FKBP15: variants seen among roughly 807,000 people sequenced by gnomAD.
FKBP15 encodes FK506-binding protein 15.
Under a neutral mutation model 158.1 loss-of-function variants are expected in FKBP15, and 106 were observed. That is an observed-to-expected ratio of 0.67 (90% CI 0.57 to 0.79). The LOEUF is 0.79. FKBP15 is among the 30% of genes least tolerant of loss of function. The pLI, the probability that FKBP15 is intolerant of heterozygous loss-of-function variation, is 0.00. For synonymous variants in FKBP15, 547 were observed against 548.6 expected, an observed-to-expected ratio of 1.00 and a Z score of 0.04; for missense variants, 1,287 against 1,479.1, an observed-to-expected ratio of 0.87 and a Z score of 2.13.
At chr9:113,201,762 G>A (rs1830796909) in intron 6 of FKBP15, among the ~76,000 whole-genome samples, 1 of 152,114 alleles carries the variant, frequency 6.6e-6, no homozygotes, top group South Asian at 2.1e-4. Context: ...AATTTGTTAC[G>A]GTAGCTTGAA....
intron 18 of FKBP15, 82 bp from the exon 19 acceptor site, chr9:113,182,950 C>T: frequency 9.2e-7 from 1 of 1,092,068 alleles, no homozygotes; most frequent in South Asian, 1.3e-5. Context: ...ATTCTGTCCT[C>T]ACAACATTGC....
chr9:113,188,367 G>C (rs759336472), intron 13 of FKBP15, 22 bp downstream of exon 13: 1 of 1,569,490 alleles, frequency 6.4e-7, no homozygotes, highest in Non-Finnish European at 8.8e-7. Context: ...CAAGGCCACA[G>C]AGCCTCAGAG....
chr9:113,189,214 C>T (rs1377059698), intron 12 of FKBP15, among the ~76,000 whole-genome samples: 3 of 152,160 alleles, frequency 2.0e-5, no homozygotes, highest in East Asian at 1.9e-4. Flanking sequence ...CCCTTATATT[C>T]TCTTCTAGAA....
At chr9:113,173,857 G>A (rs993518499) in intron 22 of FKBP15, among the ~76,000 whole-genome samples, 9 of 152,116 alleles carry the variant, frequency 5.9e-5, no homozygotes, top group African/African-American at 2.2e-4. Context: ...GGAGGGCAGG[G>A]CCATGTGATC....
At position 113,185,542 on chromosome 9, in the gene FKBP15, C is replaced by G. The variant is rs139699659; in HGVS notation, c.1498+707G>C. Among the ~76,000 whole-genome samples, 77 of 152,258 alleles carry G rather than the reference C, an allele frequency of 5.1e-4. No individual in the cohort carries two copies. The East Asian group carries it at 0.014, about 28-fold the overall frequency. ...CTTCTTCCTACCACTGTCCTAATAC[C>G]AAAGCTGATTACTAAACAGAAGACT... On this transcript the variant is annotated intron_variant, in intron 15 of 27. Transcript: ENST00000238256.
At chr9:113,214,614 G>A (rs1249620008) in intron 1 of FKBP15, among the ~76,000 whole-genome samples, 2 of 152,198 alleles carry the variant, frequency 1.3e-5, no homozygotes, top group African/African-American at 4.8e-5. Context: ...AATGGTACAT[G>A]AGCAACGGCT....
intron 7 of FKBP15, 149 bp downstream of exon 7, chr9:113,199,665 G>T: frequency 1.3e-6 from 1 of 755,802 alleles, no homozygotes; most frequent in Non-Finnish European, 2.1e-6. Flanking sequence ...TTCATAATAT[G>T]CCCCCAAAGC....
At chr9:113,204,028 A>T (rs748409428) in intron 4 of FKBP15, among the ~76,000 whole-genome samples, 5 of 152,086 alleles carry the variant, frequency 3.3e-5, no homozygotes, top group Non-Finnish European at 5.9e-5. Flanking sequence ...TGAACATTTG[A>T]GTTGTTTCCA....
rs149039876 is a variant in FKBP15, at chr9:113,180,321, G to C, written c.1915-1520C>G. ...AATAATCATTATTTTTGAGTGGAAG[G>C]ATTTATATTTTATGTTTGCTTATCT... On this transcript the variant is annotated intron_variant, in intron 19 of 27. Coordinates refer to ENST00000238256, the MANE Select transcript of FKBP15 (RefSeq NM_015258.2). Among the ~76,000 whole-genome samples the C allele has an allele frequency of 4.6e-5, 7 of 152,080 alleles. No individual in the cohort carries two copies. The East Asian group carries it at 1.3e-3, about 29-fold the overall frequency.
At position 113,183,803 on chromosome 9, in the gene FKBP15, G is replaced by A. The variant is rs757872024; in HGVS notation, c.1759C>T (p.Arg587Trp). ...LKQEILEKSN[R>W]IEEQNDKISE... ...ATCTTGTCATTCTGTTCTTCTATCC[G>A]ATTGCTCTTTTCAAGGATCTCTTGC... Residue 587 changes from arginine (R) to tryptophan (W), a missense_variant, in exon 18 of 28, where the codon CGG (arginine) becomes TGG (tryptophan). Arg to Trp is a moderately radical substitution (Grantham distance 101). Coordinates refer to ENST00000238256, the MANE Select transcript of FKBP15 (RefSeq NM_015258.2). 40 of 1,613,334 alleles carry A rather than the reference G, an allele frequency of 2.5e-5. 1 individual carries two copies. The Admixed American group carries it at 5.8e-4, about 24-fold the overall frequency.
intron 21 of FKBP15, among the ~76,000 whole-genome samples, chr9:113,175,830 C>T (rs937159193): frequency 2.0e-5 from 3 of 152,116 alleles, no homozygotes; most frequent in Non-Finnish European, 2.9e-5. Context: ...CATATTTCAC[C>T]TGTCAGACTA....
At chr9:113,207,347 A>ATTTT in intron 2 of FKBP15, 51 bp from the exon 3 acceptor site, 2 of 1,407,316 alleles carry the variant, frequency 1.4e-6, no homozygotes, top group Non-Finnish European at 2.0e-6. Context: ...GCTTTAAACT[A>ATTTT]ATTTTTTTTA....
Position 113,202,566 on chromosome 9 carries a change from C to T in FKBP15, c.463G>A (p.Glu155Lys). The change falls in exon 6 of 28, where the codon GAG becomes AAG. Residue 155 changes from glutamate (E) to lysine (K), a missense_variant. Physicochemically the swap from Glu to Lys is moderately conservative, Grantham distance 56. Coordinates refer to ENST00000238256, the MANE Select transcript of FKBP15 (RefSeq NM_015258.2). ...AACTCCACAGCAGCCTTTTCCGACTCAAACATGATGGACCAGTTCTGTCTC... is the reference window on the plus strand; with the variant it reads ...AACTCCACAGCAGCCTTTTCCGACTTAAACATGATGGACCAGTTCTGTCTC... ...DQRQNWSIMF[E>K]SEKAAVEFNK... The T allele has an allele frequency of 6.3e-7, 1 of 1,585,446 alleles. No homozygotes were observed. Among genetic ancestry groups the T allele is most frequent in the Non-Finnish European group, 8.6e-7 (1 of 1,164,750 alleles).
intron 8 of FKBP15, among the ~76,000 whole-genome samples, chr9:113,197,709 T>C (rs1317917966): frequency 1.3e-5 from 2 of 152,172 alleles, no homozygotes; most frequent in Non-Finnish European, 2.9e-5. Context: ...GTGTGGAAAA[T>C]GCTTTACATG....
chr9:113,197,438 C>T (rs1177084680), intron 8 of FKBP15, among the ~76,000 whole-genome samples: 2 of 152,128 alleles, frequency 1.3e-5, no homozygotes, highest in Non-Finnish European at 1.5e-5. Flanking sequence ...GAGGCTGAGA[C>T]GGGTGGATCA....
At position 113,165,949 on chromosome 9, in the gene FKBP15, G is replaced by T; in HGVS notation, c.*129C>A. The T allele has an allele frequency of 1.2e-6, 1 of 812,886 alleles. No homozygotes were observed. Among genetic ancestry groups the T allele is most frequent in the Non-Finnish European group, 1.9e-6 (1 of 522,522 alleles). The allele number at this position is 812,886 out of a possible 1,614,324, so 50.4% of individuals were successfully genotyped here. ...AGAAGGTGGCCAACCCACCCTCTGA[G>T]CCCAAATATTGTTCCCAGAATGCTC... On this transcript the variant is annotated 3_prime_UTR_variant, in exon 28 of 28. Transcript: ENST00000238256.
At chr9:113,194,437 A>G (rs1564172440) in intron 9 of FKBP15, among the ~76,000 whole-genome samples, 1 of 135,110 alleles carries the variant, frequency 7.4e-6, no homozygotes, top group Non-Finnish European at 1.6e-5. Flanking sequence ...AAATAAATAA[A>G]TAATAAATAA....
At chr9:113,183,659 G>A (rs745980598) in intron 18 of FKBP15, 92 bp downstream of exon 18, 24 of 795,904 alleles carry the variant, frequency 3.0e-5, no homozygotes, top group Middle Eastern at 2.3e-4. Flanking sequence ...AAATACATAC[G>A]TACTGCCCTA....
chr9:113,216,280 G>A (rs893647836), intron 1 of FKBP15, among the ~76,000 whole-genome samples: 1 of 152,186 alleles, frequency 6.6e-6, no homozygotes, highest in Non-Finnish European at 1.5e-5. Flanking sequence ...AGTTATTTTG[G>A]CTTTTCAGGT....
Sources: gnomAD v4.1 joint callset for allele counts (sites outside exome capture counted in the v4.1 genomes callset) on GRCh38, gnomAD v4.1.1 for gene constraint, MANE v1.5 for transcripts, NCBI Gene and HGNC (gene_info 2026-07-23, HGNC 2026-07-21) for gene names.